ELAVL1: variants seen among roughly 807,000 people sequenced by gnomAD.
ELAVL1 encodes the protein ELAV-like protein 1.
ELAVL1 carries 1 observed loss-of-function variant against 28.4 expected under a neutral mutation model. The ratio of observed to expected loss-of-function variants is 0.04; its 90% CI spans 0.01 to 0.17. The LOEUF (loss-of-function observed/expected upper bound fraction) is 0.17, where lower values mean the gene tolerates loss of function less well. ELAVL1 is among the 10% of genes least tolerant of loss of function. The pLI is 1.00. For synonymous variants in ELAVL1, 174 were observed against 183.5 expected, an observed-to-expected ratio of 0.95 and a Z score of 0.42; for missense variants, 157 against 447.2, an observed-to-expected ratio of 0.35 and a Z score of 5.85.
At chr19:8,004,598 C>T (rs1472221426) in intron 1 of ELAVL1, among the ~76,000 whole-genome samples, 2 of 152,106 alleles carry the variant, frequency 1.3e-5, no homozygotes, top group Non-Finnish European at 2.9e-5. Flanking sequence ...ACTATCTGAC[C>T]CCAAACATCA....
chr19:7,986,901 T>C (rs1413831103), intron 2 of ELAVL1, among the ~76,000 whole-genome samples: 1 of 152,158 alleles, frequency 6.6e-6, no homozygotes, highest in Non-Finnish European at 1.5e-5. Context: ...GAGGGACATG[T>C]GCCCAAAAGC....
intron 4 of ELAVL1, among the ~76,000 whole-genome samples, chr19:7,969,918 T>C (rs1985059519): frequency 6.6e-6 from 1 of 152,178 alleles, no homozygotes; most frequent in African/African-American, 2.4e-5. Context: ...AATGGATGTA[T>C]ACTTTCTGAA....
chr19:7,986,272 A>C (rs1184519768), intron 2 of ELAVL1, among the ~76,000 whole-genome samples: 1 of 152,244 alleles, frequency 6.6e-6, no homozygotes, highest in African/African-American at 2.4e-5. Context: ...TTAAAGGCTC[A>C]AGGGAAGACC....
intron 3 of ELAVL1, among the ~76,000 whole-genome samples, chr19:7,977,339 G>A (rs554904131): frequency 2.2e-4 from 33 of 152,154 alleles, no homozygotes; most frequent in Non-Finnish European, 4.1e-4. Flanking sequence ...CCATCCCTCC[G>A]TGACCTTGGC....
At chr19:7,987,144 GGA>G (rs1419279334) in intron 2 of ELAVL1, among the ~76,000 whole-genome samples, 1 of 150,974 alleles carries the variant, frequency 6.6e-6, no homozygotes, top group Non-Finnish European at 1.5e-5. Flanking sequence ...CAGCAAGTGG[GGA>G]GAGGGGGCAG....
chr19:7,994,088 T>A (rs1193798249), intron 1 of ELAVL1, among the ~76,000 whole-genome samples: 1 of 152,174 alleles, frequency 6.6e-6, no homozygotes, highest in Non-Finnish European at 1.5e-5. Context: ...AAAAAAAGAC[T>A]GAAAAGTGAG....
intron 2 of ELAVL1, among the ~76,000 whole-genome samples, chr19:7,984,101 C>G (rs1985537248): frequency 6.6e-6 from 1 of 152,152 alleles, no homozygotes. Context: ...CCACACCTGC[C>G]AACATCACCG....
chr19:7,969,724 TTC>T (rs1205619655), intron 4 of ELAVL1, among the ~76,000 whole-genome samples: 5 of 152,098 alleles, frequency 3.3e-5, no homozygotes, highest in Admixed American at 3.3e-4. Context: ...GATGGCTTCA[TTC>T]TGTTTCTAAA....
intron 3 of ELAVL1, among the ~76,000 whole-genome samples, chr19:7,974,346 G>C (rs925279037): frequency 1.3e-5 from 2 of 152,242 alleles, no homozygotes; most frequent in Admixed American, 1.3e-4. Context: ...TGAGTTCTGG[G>C]AGGACCCCGA....
intron 5 of ELAVL1, among the ~76,000 whole-genome samples, chr19:7,966,798 T>G (rs1354992429): frequency 3.9e-5 from 6 of 151,972 alleles, no homozygotes; most frequent in Non-Finnish European, 8.8e-5. Context: ...TTCATTACTT[T>G]TTGTAGGAAC....
intron 4 of ELAVL1, among the ~76,000 whole-genome samples, chr19:7,972,257 C>T (rs1985135255): frequency 1.3e-5 from 2 of 152,236 alleles, no homozygotes; most frequent in South Asian, 2.1e-4. Flanking sequence ...GTCCCCCAGG[C>T]GGGGCCACGT....
At chr19:7,966,493 C>A (rs1294677128) in intron 5 of ELAVL1, among the ~76,000 whole-genome samples, 1 of 152,210 alleles carries the variant, frequency 6.6e-6, no homozygotes, top group Non-Finnish European at 1.5e-5. Context: ...AATGACTCCA[C>A]GAGGCAGGTG....
chr19:7,979,804 G>A lies in ELAVL1; in HGVS notation c.276+1279C>T, dbSNP rs1259483714. Among the ~76,000 whole-genome samples the A allele has an allele frequency of 6.6e-6, 1 of 152,208 alleles. No homozygotes were observed. Among genetic ancestry groups the A allele is most frequent in the Non-Finnish European group, 1.5e-5 (1 of 68,022 alleles). ...TCTGGGAGAGCTGCTGCTGAGCCAG[G>A]GTTTGGCCACTGAGTAACCAAGATC... On this transcript the variant is annotated intron_variant, in intron 3 of 5. Coordinates refer to ENST00000407627, the MANE Select transcript of ELAVL1 (RefSeq NM_001419.3). This position sits in a 1 kb window ranked among gnomAD's most constrained non-coding sequence, Gnocchi z 5.4.
chr19:8,005,512 G>C lies in ELAVL1; in HGVS notation c.-34C>G, dbSNP rs1490269433. 1 of 147,460 alleles carries C rather than the reference G, an allele frequency of 6.8e-6. No individual in the cohort carries two copies. Among genetic ancestry groups the C allele is most frequent in the Non-Finnish European group, 1.5e-5 (1 of 65,972 alleles). 9.1% of individuals were successfully genotyped at this position (147,460 alleles called of 1,614,324 possible). The stretch of plus-strand genomic sequence containing the variant: ...CGCCTCACCTGGATGCGGGCGGGCG[G>C]GCCCGGGGCTGCTCCGGGGCGGGCG... On this transcript the variant is annotated 5_prime_UTR_variant, in exon 1 of 6. Transcript: ENST00000407627.
chr19:7,967,486 G>T (rs1984987859), intron 5 of ELAVL1, 79 bp downstream of exon 5: 4 of 1,477,462 alleles, frequency 2.7e-6, no homozygotes, highest in South Asian at 2.5e-5. Context: ...CATCCCCGTG[G>T]TTTCTATTCT....
chr19:8,004,536 G>A (rs994657402), intron 1 of ELAVL1, among the ~76,000 whole-genome samples: 7 of 152,108 alleles, frequency 4.6e-5, no homozygotes, highest in African/African-American at 1.7e-4. Context: ...CAGGAATACG[G>A]CTCAACTTCC....
intron 1 of ELAVL1, among the ~76,000 whole-genome samples, chr19:7,996,572 G>T (rs1268830801): frequency 6.6e-6 from 1 of 151,840 alleles, no homozygotes; most frequent in Non-Finnish European, 1.5e-5. Flanking sequence ...TTGGGAGGCC[G>T]AGGTGGGTGG....
intron 1 of ELAVL1, chr19:8,002,282 G>A (rs892877033): frequency 2.0e-5 from 9 of 452,388 alleles, no homozygotes; most frequent in Non-Finnish European, 2.9e-5. Context: ...CTCTCCTCCA[G>A]GAAGCATTCT....
In ELAVL1 at chr19:7,961,484, C is replaced by G. The variant is rs989754209; in HGVS notation, c.*1999G>C. 4.6e-5 allele frequency: 7 copies of G among 152,250 alleles called. No individual in the cohort carries two copies. Among genetic ancestry groups the G allele is most frequent in the African/African-American group, 9.6e-5 (4 of 41,460 alleles). The allele number at this position is 152,250 out of a possible 1,614,324, so 9.4% of individuals were successfully genotyped here. A position where few individuals can be genotyped will look rare whatever the true frequency, so the allele number is the denominator to read the frequency against. On this transcript the variant is annotated 3_prime_UTR_variant, in exon 6 of 6. Coordinates refer to ENST00000407627, the MANE Select transcript of ELAVL1 (RefSeq NM_001419.3). Reference sequence around the variant, plus strand: ...TGCTGGCCCAGGGAAACCTGAAAGGCTTCTTTTTCCAGGAAAGCATTCTGG... The same window carrying G: ...TGCTGGCCCAGGGAAACCTGAAAGGGTTCTTTTTCCAGGAAAGCATTCTGG...
Sources: gnomAD v4.1 joint callset for allele counts (sites outside exome capture counted in the v4.1 genomes callset) on GRCh38, gnomAD v4.1.1 for gene constraint, Gnocchi (gnomAD v3.1) non-coding constraint, MANE v1.5 for transcripts, NCBI Gene and HGNC (gene_info 2026-07-23, HGNC 2026-07-21) for gene names.